The following XIRP2 variants were observed in gnomAD, a reference collection of about 807,000 sequenced individuals.
The protein encoded by XIRP2 is xin actin binding repeat containing 2.
In XIRP2, 236 loss-of-function variants were observed where a neutral mutation model predicts 277.0. The observed-to-expected ratio is 0.85, with a 90% confidence interval of 0.77 to 0.95. The LOEUF (loss-of-function observed/expected upper bound fraction) is 0.95, where lower values mean the gene tolerates loss of function less well. XIRP2 is among the 40% of genes least tolerant of loss of function. XIRP2 has a pLI of 0.00. For missense variants in XIRP2, 4,640 were observed against 4,157.5 expected (o/e 1.12, Z -3.19); for synonymous variants, 1,490 against 1,416.5 (o/e 1.05, Z -1.17).
At chr2:167,059,065 G>A (rs1484276230) in intron 2 of XIRP2, among the ~76,000 whole-genome samples, 1 of 150,150 alleles carries the variant, frequency 6.7e-6, no homozygotes, top group African/African-American at 2.4e-5. Context: ...TTTTAAAGTT[G>A]GTAAGCATTG....
At chr2:167,135,469 C>T (rs139945450) in intron 2 of XIRP2, among the ~76,000 whole-genome samples, 58 of 152,126 alleles carry the variant, frequency 3.8e-4, no homozygotes, top group African/African-American at 1.4e-3. Flanking sequence ...TCTATAATTG[C>T]TAAGGTTATC....
chr2:167,229,370 A>G (rs1694692072), intron 5 of XIRP2, among the ~76,000 whole-genome samples: 1 of 152,126 alleles, frequency 6.6e-6, no homozygotes, highest in Admixed American at 6.6e-5. Context: ...TCTATTTTCA[A>G]ATTGCTATAA....
intron 3 of XIRP2, among the ~76,000 whole-genome samples, chr2:167,164,524 T>G (rs1692467838): frequency 6.6e-6 from 1 of 152,016 alleles, no homozygotes; most frequent in African/African-American, 2.4e-5. Flanking sequence ...GAGTTGTTAT[T>G]GTAATATTAT....
At chr2:167,232,035 C>A (rs886412452) in intron 5 of XIRP2, among the ~76,000 whole-genome samples, 1 of 151,936 alleles carries the variant, frequency 6.6e-6, no homozygotes, top group Non-Finnish European at 1.5e-5. Context: ...CCCCTGCCAC[C>A]CATTGCCTCT....
chr2:167,069,865 A>G, intron 2 of XIRP2, among the ~76,000 whole-genome samples: 1 of 152,062 alleles, frequency 6.6e-6, no homozygotes, highest in South Asian at 2.1e-4. Flanking sequence ...TGATTTCTAT[A>G]TTTCACTCGG....
Position 167,245,857 on chromosome 2 carries a change from C to G in XIRP2, c.4465C>G (p.Gln1489Glu). ...AGATGTGCAGAAAGGTGATGTTAAGCAGGCTGTGTGGCTTTTTGAAAATCG... is the reference window on the plus strand; with the variant it reads ...AGATGTGCAGAAAGGTGATGTTAAGGAGGCTGTGTGGCTTTTTGAAAATCG... ...QEDVQKGDVK[Q>E]AVWLFENRTF... is the part of the protein sequence containing the mutation. Residue 1489 changes from glutamine (Q) to glutamate (E), a missense_variant, in exon 9 of 11, where the codon CAG (glutamine) becomes GAG (glutamate). Gln to Glu is a conservative substitution (Grantham distance 29). Coordinates refer to ENST00000409195, the MANE Select transcript of XIRP2 (RefSeq NM_152381.6). 6.2e-7 allele frequency: 1 copy of G among 1,613,674 alleles called. No individual in the cohort carries two copies. Among genetic ancestry groups the G allele is most frequent in the Non-Finnish European group, 8.5e-7 (1 of 1,179,768 alleles).
chr2:166,902,983 T>C (rs1684419958), intron 1 of XIRP2, among the ~76,000 whole-genome samples: 1 of 152,124 alleles, frequency 6.6e-6, no homozygotes, highest in African/African-American at 2.4e-5. Flanking sequence ...TAGCTATTAG[T>C]CTACTACTTC....
intron 2 of XIRP2, among the ~76,000 whole-genome samples, chr2:166,960,005 T>C (rs532098203): frequency 2.0e-5 from 3 of 151,914 alleles, no homozygotes; most frequent in Admixed American, 2.0e-4. Flanking sequence ...TCATCTATTC[T>C]TACCCTGCCA....
Position 167,243,449 on chromosome 2 carries a change from G to C in XIRP2, c.2057G>C (p.Gly686Ala), listed in dbSNP as rs1046762170. 9.9e-6 allele frequency: 16 copies of C among 1,613,854 alleles called. No homozygotes were observed. The highest frequency in any genetic ancestry group is 1.3e-5 in the African/African-American group (1 of 74,868). ...GTAACTATCAGTAAGGACATAACTG[G>C]GGGGGATGTCAAGACTGTGAGATAC... Reference protein sequence around the residue: ...SAVTISKDITGGDVKTVRYMF... With the variant: ...SAVTISKDITAGDVKTVRYMF... Residue 686 changes from glycine (G) to alanine (A), a missense_variant, in exon 9 of 11, where the codon GGG (glycine) becomes GCG (alanine). Transcript: ENST00000409195.
At chr2:167,232,008 T>C (rs944506885) in intron 5 of XIRP2, among the ~76,000 whole-genome samples, 3 of 152,008 alleles carry the variant, frequency 2.0e-5, no homozygotes, top group Admixed American at 1.3e-4. Context: ...TGGAGATTTC[T>C]TGAGATACAC....
chr2:166,906,081 C>T (rs1035125327), intron 2 of XIRP2, among the ~76,000 whole-genome samples: 7 of 151,926 alleles, frequency 4.6e-5, no homozygotes, highest in East Asian at 1.9e-4. Context: ...TTTGAGACTA[C>T]TGAGATATTG....
chr2:166,948,661 T>C (rs185950962), intron 2 of XIRP2, among the ~76,000 whole-genome samples: 232 of 152,214 alleles, frequency 1.5e-3, no homozygotes, highest in African/African-American at 5.0e-3. Context: ...CTAATATCTG[T>C]ACAACTTTAC....
chr2:167,115,214 G>C (rs995009760), intron 2 of XIRP2, among the ~76,000 whole-genome samples: 19 of 152,062 alleles, frequency 1.2e-4, no homozygotes, highest in Non-Finnish European at 7.4e-5. Flanking sequence ...AGATCCGTTT[G>C]GTTCTTTTGT....
chr2:167,007,796 T>C (rs757294188), intron 2 of XIRP2, among the ~76,000 whole-genome samples: 1 of 151,232 alleles, frequency 6.6e-6, no homozygotes, highest in Non-Finnish European at 1.5e-5. Flanking sequence ...TAATAGAAGA[T>C]ATAACAAAAT....
At position 167,246,006 on chromosome 2, in the gene XIRP2, T is replaced by G; in HGVS notation, c.4614T>G (p.Asn1538Lys). 6.2e-7 allele frequency: 1 copy of G among 1,613,136 alleles called. No individual in the cohort carries two copies. The highest frequency in any genetic ancestry group is 8.5e-7 in the Non-Finnish European group (1 of 1,179,614). ...AAACAACACCACTTCATGAATTTAA[T>G]GAAACTAGAGTAGAAAAGATAGAAA... ...LFETTPLHEF[N>K]ETRVEKIEII... The change falls in exon 9 of 11, where the codon AAT (asparagine) becomes AAG (lysine). Residue 1538 changes from asparagine to lysine, a missense_variant. Transcript: ENST00000409195.
intron 3 of XIRP2, among the ~76,000 whole-genome samples, chr2:167,202,628 C>A (rs1019367710): frequency 5.3e-5 from 8 of 152,182 alleles, no homozygotes; most frequent in African/African-American, 1.7e-4. Flanking sequence ...ATTTAGGGAG[C>A]TGGAACTGAA....
At chr2:167,081,647 TAAG>T (rs1689739707) in intron 2 of XIRP2, among the ~76,000 whole-genome samples, 1 of 152,190 alleles carries the variant, frequency 6.6e-6, no homozygotes, top group Non-Finnish European at 1.5e-5. Context: ...ATGAATAAAA[TAAG>T]AGATCTTTAA....
At chr2:167,014,001 T>C (rs964526789) in intron 2 of XIRP2, among the ~76,000 whole-genome samples, 2 of 141,244 alleles carry the variant, frequency 1.4e-5, no homozygotes, top group Admixed American at 7.5e-5. Flanking sequence ...GTTCTGGATA[T>C]TTAGCATTTG....
At chr2:167,094,485 T>C (rs1213733955) in intron 2 of XIRP2, among the ~76,000 whole-genome samples, 1 of 152,204 alleles carries the variant, frequency 6.6e-6, no homozygotes, top group Non-Finnish European at 1.5e-5. Context: ...CTTGAGTTAA[T>C]TTTTGTATAA....
Sources: allele counts gnomAD v4.1 joint callset (sites outside exome capture counted in the v4.1 genomes callset), GRCh38; gene constraint gnomAD v4.1.1; transcripts MANE v1.5; gene names NCBI Gene and HGNC (gene_info 2026-07-23, HGNC 2026-07-21).